The following INO80 variants were observed in gnomAD, a reference collection of about 807,000 sequenced individuals.
The protein encoded by INO80 is chromatin-remodeling ATPase INO80.
In INO80, 20 loss-of-function variants were observed where a neutral mutation model predicts 203.4. The observed-to-expected ratio is 0.10, with a 90% CI of 0.07 to 0.14. The LOEUF is 0.14. Ranked by LOEUF, INO80 falls within the 10% of genes least tolerant of loss-of-function variation. The pLI, the probability that INO80 is intolerant of heterozygous loss-of-function variation, is 1.00. For missense variants in INO80, 1,419 were observed against 1,914.4 expected (o/e 0.74, Z 4.83); for synonymous variants, 726 against 685.2 (o/e 1.06, Z -0.93).
intron 1 of INO80, among the ~76,000 whole-genome samples, chr15:41,099,258 A>C (rs1166753920): frequency 6.7e-5 from 9 of 133,764 alleles, no homozygotes; most frequent in African/African-American, 1.9e-4. Flanking sequence ...AAAAAAAAAA[A>C]AAAAAAAAAC....
At chr15:41,045,761 C>T (rs931804360) in intron 23 of INO80, among the ~76,000 whole-genome samples, 1 of 151,254 alleles carries the variant, frequency 6.6e-6, no homozygotes, top group African/African-American at 2.4e-5. Context: ...ATTAGCCAGG[C>T]GTGGTTGTGC....
At chr15:41,028,977 T>A (rs1474925907) in intron 24 of INO80, among the ~76,000 whole-genome samples, 1 of 152,210 alleles carries the variant, frequency 6.6e-6, no homozygotes, top group Non-Finnish European at 1.5e-5. Flanking sequence ...TGGGACATGG[T>A]GTTCTATATA....
chr15:41,088,122 T>A (rs1195109281), intron 5 of INO80, among the ~76,000 whole-genome samples: 1 of 147,804 alleles, frequency 6.8e-6, no homozygotes, highest in Non-Finnish European at 1.5e-5. Context: ...GACAGAGTCT[T>A]GCTCTGTCGC....
At chr15:41,099,254 AAAAAAAAAAAAAAC>A (rs1489897180) in intron 1 of INO80, among the ~76,000 whole-genome samples, 1 of 135,408 alleles carries the variant, frequency 7.4e-6, no homozygotes, top group Non-Finnish European at 1.6e-5. Context: ...AAAAAAAAAA[AAAAAAAAAAAAAAC>A]AAACACACAC....
chr15:41,113,926 G>A (rs1001643294), intron 1 of INO80, among the ~76,000 whole-genome samples: 2 of 152,130 alleles, frequency 1.3e-5, no homozygotes, highest in South Asian at 2.1e-4. Flanking sequence ...GAAATAAAAC[G>A]TAGAGGAAAA....
rs1466801120 is a variant in INO80 at position 41,116,020 on chromosome 15, G to A, written c.-91C>T. ...CCGCGACGGCGGCGGAGGGGGGGCG[G>A]GGTGCGGGCGGGGTCCGGAGGGGGG... On this transcript the variant is annotated 5_prime_UTR_variant, in exon 1 of 36. Coordinates refer to ENST00000648947, the MANE Select transcript of INO80 (RefSeq NM_017553.3). 2 of 392,116 alleles carry A rather than the reference G, an allele frequency of 5.1e-6. No individual in the cohort carries two copies. Among genetic ancestry groups the A allele is most frequent in the Non-Finnish European group, 9.0e-6 (2 of 221,924 alleles). 24.3% of individuals were successfully genotyped at this position (392,116 alleles called of 1,614,324 possible).
rs189466769 is a variant in INO80 at position 41,022,311 on chromosome 15, G to A, written c.3049-1186C>T. Among the ~76,000 whole-genome samples the A allele has an allele frequency of 2.7e-3, 409 of 152,286 alleles. 3 individuals are homozygous for A. Among genetic ancestry groups the A allele is most frequent in the South Asian group, 0.013 (61 of 4,822 alleles). ...TAGTTAGGTAGTTCTATCATTTCGT[G>A]GAAGTTAGGCACCAAGGGAACTTGA... is the stretch of plus-strand genomic sequence containing the variant. On this transcript the variant is annotated intron_variant, in intron 25 of 35. Transcript: ENST00000648947.
chr15:41,055,014 G>C (rs2044957175), intron 18 of INO80, among the ~76,000 whole-genome samples: 1 of 152,162 alleles, frequency 6.6e-6, no homozygotes. Flanking sequence ...AATCAAGCCT[G>C]ATCTGCCTTG....
At chr15:41,112,584 C>T (rs1325919039) in intron 1 of INO80, among the ~76,000 whole-genome samples, 2 of 151,804 alleles carry the variant, frequency 1.3e-5, no homozygotes, top group African/African-American at 4.8e-5. Context: ...GTCAAGAGAT[C>T]GAGACCATCC....
chr15:41,071,751 G>T, intron 12 of INO80, 98 bp downstream of exon 12: 1 of 1,121,574 alleles, frequency 8.9e-7, no homozygotes, highest in Non-Finnish European at 1.3e-6. Context: ...ATGAGCCACC[G>T]CGCTCAGCCA....
chr15:41,112,344 T>A (rs190168269), intron 1 of INO80, among the ~76,000 whole-genome samples: 90 of 152,310 alleles, frequency 5.9e-4, no homozygotes, highest in Admixed American at 4.1e-3. Context: ...CCAAGAAGTT[T>A]CAAGAAAATT....
chr15:40,986,316 CTTT>C (rs551165963), intron 31 of INO80, among the ~76,000 whole-genome samples: 16 of 90,708 alleles, frequency 1.8e-4, no homozygotes, highest in African/African-American at 4.8e-4. Flanking sequence ...CTCCACAATG[CTTT>C]TTTTTTTTTT....
intron 1 of INO80, among the ~76,000 whole-genome samples, chr15:41,115,234 G>T (rs1043719713): frequency 6.6e-6 from 1 of 152,132 alleles, no homozygotes; most frequent in Non-Finnish European, 1.5e-5. Context: ...GGCACAGTTG[G>T]CTGTTAACTA....
chr15:41,106,065 C>T lies in INO80; in HGVS notation c.-43-9712G>A, dbSNP rs187545416. Among the ~76,000 whole-genome samples, 4 of 152,112 alleles carry T rather than the reference C, an allele frequency of 2.6e-5. No individual in the cohort carries two copies. The East Asian group carries it at 7.8e-4, about 30-fold the overall frequency. On this transcript the variant is annotated intron_variant, in intron 1 of 35. Transcript: ENST00000648947. The stretch of plus-strand genomic sequence containing the variant: ...TTGAGCCCAGGAGTTCAACACCAGC[C>T]TGGGTAACATAGGGAGACCCACCTC...
intron 24 of INO80, among the ~76,000 whole-genome samples, chr15:41,030,843 T>C (rs1374606270): frequency 1.3e-5 from 2 of 152,048 alleles, no homozygotes; most frequent in East Asian, 1.9e-4. Context: ...GGCTAATTTT[T>C]GTATTTTCAG....
intron 13 of INO80, 34 bp downstream of exon 13, chr15:41,070,433 G>T: frequency 1.3e-6 from 2 of 1,561,152 alleles, no homozygotes; most frequent in Non-Finnish European, 1.8e-6. Flanking sequence ...CTAAATTCTA[G>T]AGAAATGAAG....
At position 41,072,659 on chromosome 15, in the gene INO80, A is replaced by T. The variant is rs1283966187; in HGVS notation, c.1396-601T>A. 2.7e-5 allele frequency among the ~76,000 whole-genome samples: 4 copies of T among 150,672 alleles called. No homozygotes were observed. In the East Asian group the frequency reaches 7.7e-4, roughly 29 times the overall value. ...CCCGCCTCAAAAAAAAAAAAAAAAA[A>T]AGAATAAATAAATAAATAAATAACA... On this transcript the variant is annotated intron_variant, in intron 11 of 35. Transcript: ENST00000648947.
At chr15:41,006,960 T>G (rs1408574535) in intron 27 of INO80, among the ~76,000 whole-genome samples, 1 of 152,070 alleles carries the variant, frequency 6.6e-6, no homozygotes, top group East Asian at 1.9e-4. Context: ...GGGGGCGTTT[T>G]GGATAAAAAG....
chr15:41,112,187 C>A (rs1479157463), intron 1 of INO80, among the ~76,000 whole-genome samples: 1 of 152,132 alleles, frequency 6.6e-6, no homozygotes, highest in Non-Finnish European at 1.5e-5. Context: ...CAGGTGGAAA[C>A]CACTACGCCT....
Sources: gnomAD v4.1 joint callset for allele counts (sites outside exome capture counted in the v4.1 genomes callset) on GRCh38, gnomAD v4.1.1 for gene constraint, MANE v1.5 for transcripts, NCBI Gene and HGNC (gene_info 2026-07-23, HGNC 2026-07-21) for gene names.